The following RAB31 variants were observed in gnomAD, a reference collection of about 807,000 sequenced individuals.
RAB31 encodes ras-related protein Rab-31.
Under a neutral mutation model 25.6 loss-of-function variants are expected in RAB31, and 21 were observed. The observed-to-expected ratio is 0.82, with a 90% CI of 0.58 to 1.18. The LOEUF (loss-of-function observed/expected upper bound fraction) is 1.18. Ranked by LOEUF, RAB31 falls within the 50% of genes most tolerant of loss-of-function variation. RAB31 has a pLI of 0.00. For missense variants in RAB31, 196 were observed against 250.1 expected (o/e 0.78, Z 1.46); for synonymous variants, 87 against 84.0 (o/e 1.04, Z -0.20).
chr18:9,794,252 G>T (rs1488087150), intron 3 of RAB31, among the ~76,000 whole-genome samples: 1 of 152,128 alleles, frequency 6.6e-6, no homozygotes, highest in African/African-American at 2.4e-5. Context: ...CAGGATTCAG[G>T]ATAATCTATA....
chr18:9,772,933 G>A (rs2068352816), intron 1 of RAB31, among the ~76,000 whole-genome samples: 1 of 152,176 alleles, frequency 6.6e-6, no homozygotes, highest in Non-Finnish European at 1.5e-5. Context: ...GACTGCGAGG[G>A]AACATGAGCC....
chr18:9,826,128 A>G (rs776503440), intron 5 of RAB31, among the ~76,000 whole-genome samples: 2 of 152,134 alleles, frequency 1.3e-5, no homozygotes, highest in Non-Finnish European at 2.9e-5. Context: ...TGTAATCCCA[A>G]CATGTTGGGA....
intron 2 of RAB31, among the ~76,000 whole-genome samples, 181 bp downstream of exon 2, chr18:9,775,538 TC>T (rs749990034): frequency 1.7e-5 from 2 of 120,986 alleles, no homozygotes; most frequent in Non-Finnish European, 3.3e-5. Flanking sequence ...AGGCTTACTG[TC>T]CCTGTCGGTC....
chr18:9,831,529 C>T (rs938284381), intron 5 of RAB31, among the ~76,000 whole-genome samples: 2 of 152,194 alleles, frequency 1.3e-5, no homozygotes, highest in East Asian at 1.9e-4. Context: ...GTAGGCAGGA[C>T]CAGGCTTCTC....
intron 5 of RAB31, among the ~76,000 whole-genome samples, chr18:9,829,892 A>T (rs956418781): frequency 5.7e-4 from 86 of 152,196 alleles, no homozygotes; most frequent in African/African-American, 2.0e-3. Context: ...TTTAGGATTT[A>T]AAAAAATATA....
intron 6 of RAB31, among the ~76,000 whole-genome samples, chr18:9,853,723 G>A (rs2068800606): frequency 6.6e-6 from 1 of 152,178 alleles, no homozygotes; most frequent in Non-Finnish European, 1.5e-5. Flanking sequence ...TGGTTCATCA[G>A]TTGTTACAAA....
At chr18:9,802,242 G>A (rs2068517452) in intron 3 of RAB31, among the ~76,000 whole-genome samples, 1 of 152,210 alleles carries the variant, frequency 6.6e-6, no homozygotes, top group Admixed American at 6.5e-5. Flanking sequence ...TCAGGATTAT[G>A]TTGACTTTGT....
At chr18:9,820,051 C>T (rs2068617355) in intron 5 of RAB31, among the ~76,000 whole-genome samples, 1 of 151,908 alleles carries the variant, frequency 6.6e-6, no homozygotes, top group East Asian at 1.9e-4. Context: ...CCTTTTAGTT[C>T]TTTTTCTTGA....
chr18:9,839,490 C>A (rs768826375), intron 5 of RAB31, among the ~76,000 whole-genome samples: 1 of 152,106 alleles, frequency 6.6e-6, no homozygotes, highest in Admixed American at 6.5e-5. Context: ...AAGGCAATTG[C>A]GGGTGTCCCT....
intron 1 of RAB31, among the ~76,000 whole-genome samples, chr18:9,731,699 G>C (rs977687634): frequency 1.4e-5 from 2 of 144,966 alleles, no homozygotes; most frequent in African/African-American, 5.2e-5. Flanking sequence ...CCGGGTTCAC[G>C]ATTCTCCTGC....
chr18:9,805,449 T>A (rs2068535386), intron 3 of RAB31, among the ~76,000 whole-genome samples: 1 of 151,964 alleles, frequency 6.6e-6, no homozygotes, highest in African/African-American at 2.4e-5. Flanking sequence ...GCCAGCAGAG[T>A]AGCATTTTAA....
At chr18:9,749,942 G>A (rs1031681050) in intron 1 of RAB31, among the ~76,000 whole-genome samples, 4 of 152,150 alleles carry the variant, frequency 2.6e-5, no homozygotes, top group African/African-American at 4.8e-5. Flanking sequence ...AATTGAGCTC[G>A]TGACCTCCGT....
chr18:9,852,318 T>G (rs758716342), intron 6 of RAB31, among the ~76,000 whole-genome samples: 1 of 152,248 alleles, frequency 6.6e-6, no homozygotes, highest in African/African-American at 2.4e-5. Flanking sequence ...TGTTATCATA[T>G]TAATTACTAT....
At chr18:9,841,754 G>A (rs190654321) in intron 5 of RAB31, among the ~76,000 whole-genome samples, 172 of 152,120 alleles carry the variant, frequency 1.1e-3, no homozygotes, top group African/African-American at 3.8e-3. Flanking sequence ...AGGGAGGGAC[G>A]GGGAAACAGA....
intron 1 of RAB31, among the ~76,000 whole-genome samples, chr18:9,765,683 T>C (rs138724337): frequency 4.7e-4 from 71 of 152,294 alleles, no homozygotes; most frequent in African/African-American, 1.7e-3. Context: ...TGATAAGCCC[T>C]GGAATGGGAT....
chr18:9,811,748 A>G (rs2068572266), intron 3 of RAB31, among the ~76,000 whole-genome samples: 1 of 152,218 alleles, frequency 6.6e-6, no homozygotes, highest in Non-Finnish European at 1.5e-5. Flanking sequence ...TTATATTATC[A>G]TATAATGATA....
At chr18:9,792,273 G>C (rs951677123) in intron 3 of RAB31, 38 bp downstream of exon 3, 1 of 1,579,982 alleles carries the variant, frequency 6.3e-7, no homozygotes, top group South Asian at 1.2e-5. Flanking sequence ...ACAAGATCCA[G>C]TGAAAATAAG....
At chr18:9,722,969 A>G (rs2068080086) in intron 1 of RAB31, 1 of 152,208 alleles carries the variant, frequency 6.6e-6, no homozygotes, top group South Asian at 2.1e-4. Flanking sequence ...AGCTACTCCC[A>G]TGACTAGATG....
intron 3 of RAB31, among the ~76,000 whole-genome samples, chr18:9,802,423 C>T (rs1046835781): frequency 2.6e-5 from 4 of 152,108 alleles, no homozygotes; most frequent in African/African-American, 9.7e-5. Context: ...ACCTTTAATC[C>T]CAGTACTTTG....
Sources: gnomAD v4.1 joint callset for allele counts (sites outside exome capture counted in the v4.1 genomes callset) on GRCh38, gnomAD v4.1.1 for gene constraint, MANE v1.5 for transcripts, NCBI Gene and HGNC (gene_info 2026-07-23, HGNC 2026-07-21) for gene names.